Variants in LIMCH1 observed in about 807,000 individuals in gnomAD.
LIMCH1 encodes LIM and calponin homology domains-containing protein 1.
In LIMCH1, 113 loss-of-function variants were observed where a neutral mutation model predicts 176.5. That is an observed-to-expected ratio of 0.64 (90% confidence interval 0.55 to 0.75). The LOEUF (loss-of-function observed/expected upper bound fraction) is 0.75, where lower values mean the gene tolerates loss of function less well. LIMCH1 is among the 30% of genes least tolerant of loss of function. LIMCH1 has a pLI of 0.00. For synonymous variants in LIMCH1, 619 were observed against 645.9 expected (o/e 0.96, Z 0.63); for missense variants, 1,674 against 1,814.9 (o/e 0.92, Z 1.41).
At chr4:41,628,864 AATACCCTCTGCTTTTCAAGT>A (rs549692657) in intron 8 of LIMCH1, among the ~76,000 whole-genome samples, 268 of 152,308 alleles carry the variant, frequency 1.8e-3, no homozygotes, top group African/African-American at 6.3e-3. Context: ...GGTAAAGAGG[AATACCCTCTGCTTTTCAAGT>A]TTGCATTAGC....
At chr4:41,430,249 T>G (rs983309029) in intron 1 of LIMCH1, among the ~76,000 whole-genome samples, 1 of 152,192 alleles carries the variant, frequency 6.6e-6, no homozygotes, top group Non-Finnish European at 1.5e-5. Context: ...AAACCATTTC[T>G]GTATTTTATT....
intron 2 of LIMCH1, among the ~76,000 whole-genome samples, chr4:41,503,684 G>A (rs1198464666): frequency 6.6e-6 from 1 of 152,192 alleles, no homozygotes; most frequent in Non-Finnish European, 1.5e-5. Flanking sequence ...ACTATGGAGT[G>A]AGTTACCTTG....
At chr4:41,455,465 C>T (rs1035146802) in intron 1 of LIMCH1, among the ~76,000 whole-genome samples, 3 of 152,166 alleles carry the variant, frequency 2.0e-5, no homozygotes, top group African/African-American at 4.8e-5. Flanking sequence ...CTGCTTTCAT[C>T]CTGCTGGGTG....
At chr4:41,624,320 A>C (rs1305040203) in intron 7 of LIMCH1, among the ~76,000 whole-genome samples, 1 of 152,104 alleles carries the variant, frequency 6.6e-6, no homozygotes, top group African/African-American at 2.4e-5. Flanking sequence ...GGGGCGTAAA[A>C]AAACCTCCGA....
chr4:41,655,287 A>G (rs930168946), intron 18 of LIMCH1, among the ~76,000 whole-genome samples: 6 of 152,216 alleles, frequency 3.9e-5, no homozygotes, highest in Non-Finnish European at 8.8e-5. Flanking sequence ...AAGTATAATA[A>G]TAGCATAGAC....
chr4:41,658,779 T>C (rs1311627254), intron 18 of LIMCH1, among the ~76,000 whole-genome samples: 3 of 152,168 alleles, frequency 2.0e-5, no homozygotes, highest in Non-Finnish European at 2.9e-5. Context: ...CTTTGTTCAT[T>C]TTTGGTCTGG....
chr4:41,650,724 T>G, intron 18 of LIMCH1, 116 bp downstream of exon 18: 2 of 870,788 alleles, frequency 2.3e-6, no homozygotes, highest in Non-Finnish European at 3.5e-6. Flanking sequence ...GGCGTATTAG[T>G]TTGCTAGGGC....
At chr4:41,655,389 T>C (rs1326690168) in intron 18 of LIMCH1, among the ~76,000 whole-genome samples, 1 of 152,218 alleles carries the variant, frequency 6.6e-6, no homozygotes, top group Non-Finnish European at 1.5e-5. Context: ...CAGCTATCTT[T>C]AATATTGTCA....
At chr4:41,368,765 C>A (rs889404768) in intron 1 of LIMCH1, among the ~76,000 whole-genome samples, 36 of 152,116 alleles carry the variant, frequency 2.4e-4, no homozygotes, top group African/African-American at 8.2e-4. Flanking sequence ...CTTGAATATT[C>A]CTTGCAGGCC....
chr4:41,394,969 G>A (rs929857868), intron 1 of LIMCH1, among the ~76,000 whole-genome samples: 1 of 152,156 alleles, frequency 6.6e-6, no homozygotes, highest in African/African-American at 2.4e-5. Context: ...TGGCCAAAAG[G>A]ACAAGACATA....
intron 14 of LIMCH1, among the ~76,000 whole-genome samples, chr4:41,641,916 G>A (rs2093838458): frequency 6.6e-6 from 1 of 152,184 alleles, no homozygotes; most frequent in East Asian, 1.9e-4. Flanking sequence ...GCCACATTTG[G>A]GCTGAGCTAG....
chr4:41,506,968 G>C (rs1213684006), intron 2 of LIMCH1, among the ~76,000 whole-genome samples: 4 of 152,142 alleles, frequency 2.6e-5, no homozygotes, highest in African/African-American at 4.8e-5. Flanking sequence ...AGGTCCTCAG[G>C]TGATCCACAA....
intron 1 of LIMCH1, among the ~76,000 whole-genome samples, chr4:41,441,714 CTCTTTT>C (rs564127751): frequency 6.6e-6 from 1 of 152,108 alleles, no homozygotes; most frequent in African/African-American, 2.4e-5. Flanking sequence ...GTGTCTAATA[CTCTTTT>C]TCTTTTTCTT....
rs893999350 is a variant in LIMCH1 at position 41,472,559 on chromosome 4, A to G, written c.97-21977A>G. Among the ~76,000 whole-genome samples, 3 of 152,076 alleles carry G rather than the reference A, an allele frequency of 2.0e-5. No homozygotes were observed. In the East Asian group the frequency reaches 5.8e-4, roughly 29 times the overall value. On this transcript the variant is annotated intron_variant, in intron 1 of 26. Coordinates refer to the LIMCH1 transcript ENST00000313860. Reference sequence around the variant, plus strand: ...CTCAGTCTCCCAAGTAGCTGGGACTATAGGTGCATGCCACCACACCTGGCT... The same window carrying G: ...CTCAGTCTCCCAAGTAGCTGGGACTGTAGGTGCATGCCACCACACCTGGCT...
chr4:41,596,031 A>T (rs1387553704), intron 1 of LIMCH1, among the ~76,000 whole-genome samples: 1 of 148,494 alleles, frequency 6.7e-6, no homozygotes, highest in Non-Finnish European at 1.5e-5. Context: ...CCTGGGTGAC[A>T]GAGTGAGACT....
chr4:41,549,288 G>A (rs578235242), intron 1 of LIMCH1, among the ~76,000 whole-genome samples: 48 of 152,162 alleles, frequency 3.2e-4, no homozygotes, highest in Admixed American at 2.0e-3. Context: ...TGTGCTAAGC[G>A]CTTTATTTCT....
At chr4:41,545,069 G>T (rs1374058191) in intron 1 of LIMCH1, among the ~76,000 whole-genome samples, 3 of 152,208 alleles carry the variant, frequency 2.0e-5, no homozygotes, top group African/African-American at 7.2e-5. Flanking sequence ...TGACTCCTTT[G>T]TATAACCTCA....
At chr4:41,472,536 C>T (rs2067129087) in intron 1 of LIMCH1, among the ~76,000 whole-genome samples, 1 of 152,124 alleles carries the variant, frequency 6.6e-6, no homozygotes, top group Non-Finnish European at 1.5e-5. Flanking sequence ...CCTCCCATCT[C>T]AGTCTCCCAA....
chr4:41,445,938 T>A (rs1171662890), intron 1 of LIMCH1, among the ~76,000 whole-genome samples: 1 of 152,228 alleles, frequency 6.6e-6, no homozygotes, highest in East Asian at 1.9e-4. Context: ...GGGTTTTATT[T>A]TCCTCTGTGA....
Sources: gnomAD v4.1 joint callset for allele counts (sites outside exome capture counted in the v4.1 genomes callset) on GRCh38, gnomAD v4.1.1 for gene constraint, MANE v1.5 for transcripts, NCBI Gene and HGNC (gene_info 2026-07-23, HGNC 2026-07-21) for gene names.